The following RARB variants were observed in gnomAD, a reference collection of about 807,000 sequenced individuals.
The protein encoded by RARB is retinoic acid receptor beta.
RARB carries 17 observed loss-of-function variants against 51.9 expected under a neutral mutation model. The ratio of observed to expected loss-of-function variants is 0.33; its 90% confidence interval spans 0.22 to 0.49. RARB has a LOEUF of 0.49. Ranked by LOEUF, RARB falls within the 20% of genes least tolerant of loss-of-function variation. The pLI, the probability that RARB is intolerant of heterozygous loss-of-function variation, is 0.99. For synonymous variants in RARB, 215 were observed against 195.4 expected (o/e 1.10, Z -0.84); for missense variants, 369 against 550.8 (o/e 0.67, Z 3.30).
chr3:25,148,777 G>A (rs1700235491), intron 4 of RARB, among the ~76,000 whole-genome samples: 1 of 152,154 alleles, frequency 6.6e-6, no homozygotes, highest in South Asian at 2.1e-4. Context: ...CTATCACAGA[G>A]CCTTGTACCT....
intron 5 of RARB, among the ~76,000 whole-genome samples, chr3:25,237,238 T>A (rs1374052642): frequency 1.3e-5 from 2 of 152,136 alleles, no homozygotes; most frequent in African/African-American, 4.8e-5. Flanking sequence ...ACTGAAGAAC[T>A]GAGATGATCT....
intron 2 of RARB, among the ~76,000 whole-genome samples, chr3:24,927,467 C>T (rs923870379): frequency 2.6e-5 from 4 of 152,072 alleles, no homozygotes; most frequent in Non-Finnish European, 4.4e-5. Flanking sequence ...AGATCTTTCT[C>T]TTTGGTTAGG....
chr3:24,857,885 C>T (rs1303876357), intron 1 of RARB, among the ~76,000 whole-genome samples: 1 of 152,172 alleles, frequency 6.6e-6, no homozygotes, highest in Non-Finnish European at 1.5e-5. Flanking sequence ...GTTATTATGC[C>T]ACTGCACTCC....
At chr3:25,335,902 A>T (rs1266471732) in intron 5 of RARB, among the ~76,000 whole-genome samples, 1 of 152,236 alleles carries the variant, frequency 6.6e-6, no homozygotes, top group Non-Finnish European at 1.5e-5. Context: ...TAGTATAGCC[A>T]TACATAAACT....
At chr3:25,140,544 A>G (rs1700092501) in intron 4 of RARB, among the ~76,000 whole-genome samples, 1 of 152,188 alleles carries the variant, frequency 6.6e-6, no homozygotes, top group South Asian at 2.1e-4. Flanking sequence ...GACCAAAGAA[A>G]ATGGTTTATT....
intron 2 of RARB, among the ~76,000 whole-genome samples, chr3:24,947,233 C>A (rs879859775): frequency 5.3e-5 from 8 of 152,160 alleles, no homozygotes; most frequent in Non-Finnish European, 7.3e-5. Flanking sequence ...CTATGTCTTA[C>A]TGAAAAATAT....
At chr3:24,868,725 A>G (rs1702895241) in intron 2 of RARB, among the ~76,000 whole-genome samples, 1 of 152,172 alleles carries the variant, frequency 6.6e-6, no homozygotes, top group Non-Finnish European at 1.5e-5. Flanking sequence ...TTGTGTGATA[A>G]AACCTTGGTC....
At position 25,132,729 on chromosome 3, in the gene RARB, TGTTC is replaced by T. The variant is rs1306679226; in HGVS notation, c.-280+522_-280+525del. Among the ~76,000 whole-genome samples, 7 of 152,058 alleles carry T rather than the reference TGTTC, an allele frequency of 4.6e-5. No individual in the cohort carries two copies. The East Asian group carries it at 9.6e-4, about 21-fold the overall frequency. ...AATAGCTAAAATAATGGCTTTTAAG[TGTTC>T]TCACTACAATGAAATAAGTATTTGA... On this transcript the variant is annotated intron_variant, in intron 4 of 11. Coordinates refer to the RARB transcript ENST00000383772.
In RARB at chr3:25,131,440, G is replaced by T. The variant is rs180913986; in HGVS notation, c.-327-721G>T. On this transcript the variant is annotated intron_variant, in intron 3 of 11. Coordinates refer to the RARB transcript ENST00000383772. ...TTTTAAACATTTTGATCAGATGTAG[G>T]GTTTTATAGTCGTATTGTTTGTGAA... Among the ~76,000 whole-genome samples, 5 of 151,996 alleles carry T rather than the reference G, an allele frequency of 3.3e-5. No homozygotes were observed. The South Asian group carries it at 6.2e-4, about 19-fold the overall frequency.
At chr3:25,259,514 C>A (rs941508791) in intron 5 of RARB, among the ~76,000 whole-genome samples, 3 of 152,106 alleles carry the variant, frequency 2.0e-5, no homozygotes, top group Admixed American at 6.5e-5. Context: ...ACCTAGGAAC[C>A]TACCTTTAGC....
At chr3:25,220,303 A>G (rs970005836) in intron 5 of RARB, among the ~76,000 whole-genome samples, 3 of 152,346 alleles carry the variant, frequency 2.0e-5, no homozygotes, top group East Asian at 1.9e-4. Context: ...TTCATCTTGC[A>G]GTAACTTAGA....
chr3:25,255,123 T>A (rs1282129713), intron 5 of RARB, among the ~76,000 whole-genome samples: 1 of 152,176 alleles, frequency 6.6e-6, no homozygotes, highest in Non-Finnish European at 1.5e-5. Context: ...CTCACACATT[T>A]CTTTACTAGG....
At chr3:24,941,860 G>A (rs1695674040) in intron 2 of RARB, among the ~76,000 whole-genome samples, 1 of 152,164 alleles carries the variant, frequency 6.6e-6, no homozygotes, top group African/African-American at 2.4e-5. Flanking sequence ...TTACAGTTAG[G>A]AGGCCAAAAA....
intron 5 of RARB, among the ~76,000 whole-genome samples, chr3:25,258,306 C>G (rs1438765277): frequency 6.6e-6 from 1 of 152,052 alleles, no homozygotes; most frequent in Non-Finnish European, 1.5e-5. Context: ...GCTAATCACC[C>G]CAAAGTGATG....
At chr3:25,531,723 TAAAAAAA>T (rs5847361) in intron 3 of RARB, among the ~76,000 whole-genome samples, 1 of 134,496 alleles carries the variant, frequency 7.4e-6, no homozygotes, top group Non-Finnish European at 1.6e-5. Flanking sequence ...ATAGACACTT[TAAAAAAA>T]AAAAAAAAAA....
At chr3:24,867,332 G>C (rs1702869274) in intron 2 of RARB, among the ~76,000 whole-genome samples, 1 of 152,122 alleles carries the variant, frequency 6.6e-6, no homozygotes, top group South Asian at 2.1e-4. Flanking sequence ...AGGGCAGTTT[G>C]AAGGCTAAAT....
chr3:25,041,251 T>A (rs1698108168), intron 2 of RARB, among the ~76,000 whole-genome samples: 1 of 152,192 alleles, frequency 6.6e-6, no homozygotes, highest in Admixed American at 6.5e-5. Context: ...ATTTCCTACC[T>A]GTAAAAAGAA....
chr3:25,029,154 G>T lies in RARB; in HGVS notation c.-379-30971G>T, dbSNP rs181515302. Among the ~76,000 whole-genome samples, 366 of 152,314 alleles carry T rather than the reference G, an allele frequency of 2.4e-3. 1 individual carries two copies. Among genetic ancestry groups the T allele is most frequent in the Non-Finnish European group, 4.1e-3 (276 of 68,040 alleles). ...TTTTAATCAGATGGCATTGGTTTGG[G>T]TACTGACAAGTTCTGCATTTTAGAG... is the stretch of plus-strand genomic sequence containing the variant. On this transcript the variant is annotated intron_variant, in intron 2 of 11. Transcript: ENST00000383772.
chr3:25,309,163 G>T (rs1704224883), intron 5 of RARB, among the ~76,000 whole-genome samples: 1 of 127,840 alleles, frequency 7.8e-6, no homozygotes, highest in Admixed American at 8.4e-5. Flanking sequence ...TTTTGAGATG[G>T]AGTCTTGCTC....
Sources: allele counts gnomAD v4.1 joint callset (sites outside exome capture counted in the v4.1 genomes callset), GRCh38; gene constraint gnomAD v4.1.1; transcripts MANE v1.5; gene names NCBI Gene and HGNC (gene_info 2026-07-23, HGNC 2026-07-21).